The following FAM53A variants were observed in gnomAD, a reference collection of about 807,000 sequenced individuals.
FAM53A encodes the protein family with sequence similarity 53 member A, also known as protein FAM53A.
FAM53A carries 28 observed loss-of-function variants against 26.6 expected under a neutral mutation model. That is an observed-to-expected ratio of 1.05 (90% CI 0.78 to 1.45). The LOEUF is 1.45. Among genes scored for constraint, FAM53A ranks in the 40% most tolerant of loss-of-function variants. FAM53A has a pLI of 0.00. For synonymous variants in FAM53A, 290 were observed against 253.1 expected (o/e 1.15, Z -1.38); for missense variants, 650 against 575.8 (o/e 1.13, Z -1.32).
At chr4:1,590,676 C>G in the FAM53A span, among the ~76,000 whole-genome samples, 4 of 151,732 alleles carry the variant, frequency 2.6e-5, no homozygotes, top group African/African-American at 9.7e-5. Flanking sequence ...CTGAAGGTGA[C>G]CATACAGTAG....
At chr4:1,589,312 T>G in the FAM53A span, among the ~76,000 whole-genome samples, 1 of 152,332 alleles carries the variant, frequency 6.6e-6, no homozygotes, top group Middle Eastern at 3.4e-3. Flanking sequence ...TGAACCATCT[T>G]TGCATTCCTG....
At chr4:1,594,437 A>C in the FAM53A span, among the ~76,000 whole-genome samples, 2 of 152,158 alleles carry the variant, frequency 1.3e-5, no homozygotes, top group East Asian at 3.9e-4. Context: ...CCCGGGGTAT[A>C]CAAGCAGGCA....
Position 1,625,308 on chromosome 4 carries a change from G to A in FAM53A, c.432-7197C>T, listed in dbSNP as rs1419051665. ...ACACCAGGTGATCAGAAGGCCCCACGTCCCGGCCCACGTGGTCAGGGGTCA... is the reference window on the plus strand; with the variant it reads ...ACACCAGGTGATCAGAAGGCCCCACATCCCGGCCCACGTGGTCAGGGGTCA... On this transcript the variant is annotated intron_variant, in intron 1 of 1. Coordinates refer to the FAM53A transcript ENST00000489029. 6.8e-4 allele frequency among the ~76,000 whole-genome samples: 26 copies of A among 38,408 alleles called. 1 individual carries two copies. Among genetic ancestry groups the A allele is most frequent in the African/African-American group, 5.9e-3 (25 of 4,244 alleles). 25.2% of individuals were successfully genotyped at this position (38,408 alleles called of 152,430 possible). A position where few individuals can be genotyped will look rare whatever the true frequency, so the allele number is the denominator to read the frequency against.
rs879026359 is a variant in FAM53A, at chr4:1,641,137, C to T, written c.*156G>A. 3.8e-6 allele frequency: 2 copies of T among 530,572 alleles called. No homozygotes were observed. Among genetic ancestry groups the T allele is most frequent in the Admixed American group, 3.7e-5 (1 of 27,012 alleles). The allele number at this position is 530,572 out of a possible 1,614,324, so 32.9% of individuals were successfully genotyped here. On this transcript the variant is annotated 3_prime_UTR_variant, in exon 5 of 5. Transcript: ENST00000308132. Reference sequence around the variant, plus strand: ...CTACTCTGTGCCCCAGGGCAGGTGCCGGCGGCAGCCGTGGCCCCGACCAGC... The same window carrying T: ...CTACTCTGTGCCCCAGGGCAGGTGCTGGCGGCAGCCGTGGCCCCGACCAGC...
At chr4:1,650,937 G>C (rs1013699891) in intron 4 of FAM53A, among the ~76,000 whole-genome samples, 3 of 151,800 alleles carry the variant, frequency 2.0e-5, no homozygotes, top group Non-Finnish European at 4.4e-5. Context: ...AGATTGAGCT[G>C]GCTAGATGCA....
intron 4 of FAM53A, among the ~76,000 whole-genome samples, chr4:1,645,680 G>A (rs975313512): frequency 2.6e-5 from 4 of 152,236 alleles, no homozygotes; most frequent in African/African-American, 4.8e-5. Context: ...TGAGTGCCCA[G>A]CAGTGCGCCC....
chr4:1,625,017 G>A (rs1485085531), intron 1 of FAM53A, among the ~76,000 whole-genome samples: 7 of 125,486 alleles, frequency 5.6e-5, no homozygotes, highest in African/African-American at 1.4e-4. Context: ...CCACGTCCCA[G>A]CCCACGTGGT....
At chr4:1,631,218 C>T (rs1289639868) in intron 1 of FAM53A, among the ~76,000 whole-genome samples, 2 of 152,162 alleles carry the variant, frequency 1.3e-5, no homozygotes, top group African/African-American at 4.8e-5. Flanking sequence ...AGGCGGAGAC[C>T]CTGCTTGGGG....
chr4:1,652,050 C>CACTA (rs1001991782), intron 4 of FAM53A, among the ~76,000 whole-genome samples: 1 of 139,172 alleles, frequency 7.2e-6, no homozygotes, highest in African/African-American at 2.6e-5. Context: ...ACACCACACA[C>CACTA]GCCACACACA....
chr4:1,601,608 C>T, the FAM53A span, among the ~76,000 whole-genome samples: 2 of 111,778 alleles, frequency 1.8e-5, no homozygotes, highest in East Asian at 2.1e-4. Flanking sequence ...ATCTGCCATG[C>T]GCCCCATCTG....
intron 1 of FAM53A, among the ~76,000 whole-genome samples, chr4:1,634,346 A>G (rs1179917925): frequency 6.6e-6 from 1 of 151,974 alleles, no homozygotes; most frequent in Non-Finnish European, 1.5e-5. Flanking sequence ...ACCCCTCCAC[A>G]CCCGTCCACA....
At chr4:1,611,810 G>T in the FAM53A span, among the ~76,000 whole-genome samples, 1 of 152,344 alleles carries the variant, frequency 6.6e-6, no homozygotes, top group African/African-American at 2.4e-5. Flanking sequence ...CCAGTGGATG[G>T]CGGCACATGC....
At chr4:1,618,052 A>C in exon 2 of FAM53A, 1 of 456,346 alleles carries the variant, frequency 2.2e-6, no homozygotes, top group Non-Finnish European at 4.4e-6. Context: ...TGAAGATGGG[A>C]AGATGGAGGG....
chr4:1,620,494 G>A (rs1020805336), intron 1 of FAM53A, among the ~76,000 whole-genome samples: 2 of 151,742 alleles, frequency 1.3e-5, no homozygotes, highest in South Asian at 2.1e-4. Flanking sequence ...CCACCAACAG[G>A]ACCGTCATCA....
the FAM53A span, among the ~76,000 whole-genome samples, chr4:1,593,222 G>A: frequency 6.6e-6 from 1 of 152,258 alleles, no homozygotes; most frequent in Non-Finnish European, 1.5e-5. Context: ...CTTGGCCCAG[G>A]CGCCTGGTCT....
intron 4 of FAM53A, among the ~76,000 whole-genome samples, chr4:1,643,280 C>A (rs1310067271): frequency 6.6e-6 from 1 of 152,022 alleles, no homozygotes; most frequent in Non-Finnish European, 1.5e-5. Context: ...TCCTGGCTAA[C>A]ACGGTGAAGC....
In FAM53A at chr4:1,657,944, C is replaced by G. The variant is rs561577976; in HGVS notation, c.76-476G>C. 2.1e-4 allele frequency among the ~76,000 whole-genome samples: 32 copies of G among 150,574 alleles called. No homozygotes were observed. The South Asian group carries it at 2.5e-3, about 12-fold the overall frequency. On this transcript the variant is annotated intron_variant, in intron 2 of 4. Transcript: ENST00000308132. ...ATGAGCCACCACGCCCGGCTGTAAA[C>G]GGACATTTTTAAATTTTTTAAAAAA...
In FAM53A at chr4:1,641,394, T is replaced by C; in HGVS notation, c.1096A>G (p.Arg366Gly). 3 of 1,611,208 alleles carry C rather than the reference T, an allele frequency of 1.9e-6. No homozygotes were observed. Among genetic ancestry groups the C allele is most frequent in the East Asian group, 2.2e-5 (1 of 44,850 alleles). The change falls in exon 5 of 5, where the codon AGG (arginine) becomes GGG (glycine). Residue 366 changes from arginine (R) to glycine (G), a missense_variant. By Grantham distance (125) the Arg-to-Gly change is moderately radical (BLOSUM62 -2). Coordinates refer to ENST00000308132, the MANE Select transcript of FAM53A (RefSeq NM_001174070.3). Reference protein sequence around the residue: ...RESVTSDGSRRSSGDPRDGDS... With the variant: ...RESVTSDGSRGSSGDPRDGDS... ...CCATCACGGGGGTCCCCGCTGCTCC[T>C]GCGGGAGCCATCACTGGTCACCGAC...
intron 1 of FAM53A, among the ~76,000 whole-genome samples, chr4:1,681,653 T>C (rs1317588131): frequency 1.3e-5 from 2 of 151,326 alleles, no homozygotes; most frequent in Non-Finnish European, 2.9e-5. Context: ...CACACCACCA[T>C]ACCCAGCTCA....
Sources: allele counts gnomAD v4.1 joint callset (sites outside exome capture counted in the v4.1 genomes callset), GRCh38; gene constraint gnomAD v4.1.1; transcripts MANE v1.5; gene names NCBI Gene and HGNC (gene_info 2026-07-23, HGNC 2026-07-21).